The following ARL2 variants were observed in gnomAD, a reference collection of about 807,000 sequenced individuals.
The protein encoded by ARL2 is ADP-ribosylation factor-like protein 2.
A neutral mutation model predicts 22.0 loss-of-function variants in ARL2; 11 were observed. That is an observed-to-expected ratio of 0.50 (90% CI 0.31 to 0.83). The LOEUF (loss-of-function observed/expected upper bound fraction) is 0.83. Ranked by LOEUF, ARL2 falls within the 40% of genes least tolerant of loss-of-function variation. The probability of loss-of-function intolerance (pLI) is 0.04; values close to 1 mark genes in which losing one functional copy is unlikely to be tolerated. For missense variants in ARL2, 216 were observed against 243.2 expected (o/e 0.89, Z 0.74); for synonymous variants, 111 against 100.8 (o/e 1.10, Z -0.61).
chr11:65,018,859 C>A lies in ARL2; in HGVS notation c.339+126C>A. 1 of 1,539,286 alleles carries A rather than the reference C, an allele frequency of 6.5e-7. No individual in the cohort carries two copies. Among genetic ancestry groups the A allele is most frequent in the Non-Finnish European group, 8.7e-7 (1 of 1,148,402 alleles). On this transcript the variant is annotated intron_variant, in intron 3 of 4. Coordinates refer to ENST00000246747, the MANE Select transcript of ARL2 (RefSeq NM_001667.4). The surrounding 1 kb of genome is among the most constrained non-coding windows in gnomAD (Gnocchi z 4.2). The stretch of plus-strand genomic sequence containing the variant: ...GATCCCTTCCTTCTCTGGGCCCCCA[C>A]CATGGGAGGCCCATGGTGCCAGAGG...
chr11:65,018,932 T>C lies in ARL2; in HGVS notation c.339+199T>C, dbSNP rs764794358. ...GATTGAGTTAACGTCCCTGTGGTGT[T>C]ACTACGTCACTACCCTGAGCATCAG... is the stretch of plus-strand genomic sequence containing the variant. On this transcript the variant is annotated intron_variant, in intron 3 of 4. Transcript: ENST00000246747. The surrounding 1 kb of genome is among the most constrained non-coding windows in gnomAD (Gnocchi z 4.2). 8.5e-6 allele frequency: 13 copies of C among 1,526,816 alleles called. No homozygotes were observed. Among genetic ancestry groups the C allele is most frequent in the Middle Eastern group, 1.7e-4 (1 of 5,970 alleles). 94.6% of individuals were successfully genotyped at this position (1,526,816 alleles called of 1,614,324 possible).
At position 65,014,219 on chromosome 11, in the gene ARL2, G is replaced by A; in HGVS notation, c.12G>A (p.Leu4=). The change falls in exon 1 of 5, where the codon CTG becomes CTA. Residue 4 remains leucine (L), a synonymous_variant. Transcript: ENST00000246747. MGL[L]TILKKMKQKE... The stretch of plus-strand genomic sequence containing the variant: ...GGGCTCCGGGGACCATGGGGCTCCT[G>A]ACCATTCTGAAGAAGATGAAGCAGA... The A allele has an allele frequency of 6.4e-7, 1 of 1,574,364 alleles. No individual in the cohort carries two copies. The highest frequency in any genetic ancestry group is 2.6e-5 in the East Asian group (1 of 39,190).
chr11:65,019,190 T>C, intron 3 of ARL2: 1 of 306,700 alleles, frequency 3.3e-6, no homozygotes, highest in South Asian at 2.9e-5. Flanking sequence ...TGAGCTGTGA[T>C]CGTGCCACTG....
rs761749850 is a variant in ARL2, at chr11:65,018,742, C to T, written c.339+9C>T. On this transcript the variant is annotated intron_variant, in intron 3 of 4. Transcript: ENST00000246747. This position sits in a 1 kb window ranked among gnomAD's most constrained non-coding sequence, Gnocchi z 4.2. ...GCCTGCTGGTGGAGGAGGTGGGCAG[C>T]TCCTACCCTTTGTGTACATGTATGG... The T allele has an allele frequency of 2.5e-6, 4 of 1,613,868 alleles. No homozygotes were observed. The Admixed American group carries it at 6.7e-5, about 27-fold the overall frequency.
Position 65,018,893 on chromosome 11 carries a change from A to G in ARL2, c.339+160A>G. 1.3e-6 allele frequency: 2 copies of G among 1,534,972 alleles called. No individual in the cohort carries two copies. Among genetic ancestry groups the G allele is most frequent in the African/African-American group, 1.4e-5 (1 of 73,170 alleles). ...GCCCATGGTGCCAGAGGCAGGACAC[A>G]TGCTGTGGACTGAGATTGAGTTAAC... is the stretch of plus-strand genomic sequence containing the variant. On this transcript the variant is annotated intron_variant, in intron 3 of 4. Transcript: ENST00000246747. The surrounding 1 kb of genome is among the most constrained non-coding windows in gnomAD (Gnocchi z 4.2).
rs1287000222 is a variant in ARL2 at position 65,021,810 on chromosome 11, C to A, written c.510C>A (p.Asp170Glu). 1.2e-6 allele frequency: 2 copies of A among 1,613,620 alleles called. No homozygotes were observed. The change falls in exon 5 of 5, where the codon GAC (aspartate) becomes GAA (glutamate). Residue 170 changes from aspartate to glutamate, a missense_variant. By Grantham distance (45) the Asp-to-Glu change is conservative. Transcript: ENST00000246747. ...VTGENLLPGIDWLLDDISSRI... is the reference protein window; with the variant it reads ...VTGENLLPGIEWLLDDISSRI... ...GGGAGAACCTGCTGCCGGGCATCGA[C>A]TGGCTCCTGGATGACATTTCCAGCC...
Position 65,018,803 on chromosome 11 carries a change from G to C in ARL2, c.339+70G>C. On this transcript the variant is annotated intron_variant, in intron 3 of 4. Transcript: ENST00000246747. This position sits in a 1 kb window ranked among gnomAD's most constrained non-coding sequence, Gnocchi z 4.2. ...GCCTTCTCAGCAGATGCCCAGAGGG[G>C]CCCGTGGCCCCAGAGGGAAACCAGA... is the stretch of plus-strand genomic sequence containing the variant. 6.3e-7 allele frequency: 1 copy of C among 1,592,788 alleles called. No individual in the cohort carries two copies. The highest frequency in any genetic ancestry group is 8.5e-7 in the Non-Finnish European group (1 of 1,173,796).
Position 65,014,233 on chromosome 11 carries a change from A to G in ARL2, c.26A>G (p.Lys9Arg), listed in dbSNP as rs762992082. 4.1e-5 allele frequency: 65 copies of G among 1,574,698 alleles called. No individual in the cohort carries two copies. Among genetic ancestry groups the G allele is most frequent in the Middle Eastern group, 1.7e-4 (1 of 5,984 alleles). Residue 9 changes from lysine to arginine, a missense_variant, in exon 1 of 5, where the codon AAG (lysine) becomes AGG (arginine). Transcript: ENST00000246747. ...ATGGGGCTCCTGACCATTCTGAAGAAGATGAAGCAGAAAGAGCGGGAGCTG... is the reference window on the plus strand; with the variant it reads ...ATGGGGCTCCTGACCATTCTGAAGAGGATGAAGCAGAAAGAGCGGGAGCTG... The part of the protein sequence containing the change: MGLLTILK[K>R]MKQKERELRL...
At position 65,021,897 on chromosome 11, in the gene ARL2, A is replaced by G; in HGVS notation, c.*42A>G. On this transcript the variant is annotated 3_prime_UTR_variant, in exon 5 of 5. Transcript: ENST00000246747. ...CCCACCTAGCAGTCCAGGTCCCTCA[A>G]CCTTCACCAAACACTACCCATGGGG... 1.3e-6 allele frequency: 2 copies of G among 1,592,274 alleles called. No homozygotes were observed. Among genetic ancestry groups the G allele is most frequent in the Non-Finnish European group, 1.7e-6 (2 of 1,168,822 alleles).
chr11:65,019,052 G>A, intron 3 of ARL2: 4 of 895,720 alleles, frequency 4.5e-6, no homozygotes, highest in Non-Finnish European at 3.1e-6. Context: ...AGGCCATGGA[G>A]CCTGGCTCAA....
intron 4 of ARL2, among the ~76,000 whole-genome samples, chr11:65,020,784 G>A (rs911817193): frequency 2.6e-5 from 4 of 151,004 alleles, no homozygotes; most frequent in East Asian, 3.9e-4. Context: ...CAGGAGAATC[G>A]CTTGAACCCA....
chr11:65,021,943 A>C lies in ARL2; in HGVS notation c.*88A>C. The C allele has an allele frequency of 6.6e-7, 1 of 1,518,464 alleles. No homozygotes were observed. Among genetic ancestry groups the C allele is most frequent in the South Asian group, 1.2e-5 (1 of 82,016 alleles). 94.1% of individuals were successfully genotyped at this position (1,518,464 alleles called of 1,614,324 possible). On this transcript the variant is annotated 3_prime_UTR_variant, in exon 5 of 5. Coordinates refer to ENST00000246747, the MANE Select transcript of ARL2 (RefSeq NM_001667.4). ...TGGGGGGTTGGGAGTCAGCCGGCCA[A>C]ACTAACACTCCCCCTCCTCCACCCC...
At chr11:65,016,897 C>G (rs986829581) in intron 1 of ARL2, among the ~76,000 whole-genome samples, 1 of 152,064 alleles carries the variant, frequency 6.6e-6, no homozygotes, top group African/African-American at 2.4e-5. Flanking sequence ...GTCCCAGTGC[C>G]AAGGGCAGCG....
At chr11:65,016,000 GT>G (rs1359029102) in intron 1 of ARL2, among the ~76,000 whole-genome samples, 1 of 152,030 alleles carries the variant, frequency 6.6e-6, no homozygotes, top group Non-Finnish European at 1.5e-5. Flanking sequence ...GATGTCAGGA[GT>G]TTTGAGACCA....
Position 65,018,217 on chromosome 11 carries a change from C to G in ARL2, c.66-147C>G. 2 of 642,730 alleles carry G rather than the reference C, an allele frequency of 3.1e-6. No individual in the cohort carries two copies. Among genetic ancestry groups the G allele is most frequent in the Non-Finnish European group, 5.3e-6 (2 of 374,008 alleles). 39.8% of individuals were successfully genotyped at this position (642,730 alleles called of 1,614,324 possible). ...GATGATATTTATAATTTGATACTTT[C>G]ATATTTATTGTGGGCCGATTATGGT... On this transcript the variant is annotated intron_variant, in intron 1 of 4. Transcript: ENST00000246747. The surrounding 1 kb of genome is among the most constrained non-coding windows in gnomAD (Gnocchi z 4.2).
intron 1 of ARL2, among the ~76,000 whole-genome samples, chr11:65,016,906 C>G (rs932832256): frequency 1.7e-4 from 26 of 151,944 alleles, no homozygotes; most frequent in Non-Finnish European, 3.7e-4. Flanking sequence ...CCAAGGGCAG[C>G]GCATGTGCTG....
chr11:65,021,152 G>T (rs765750921), intron 4 of ARL2, among the ~76,000 whole-genome samples: 14 of 152,188 alleles, frequency 9.2e-5, no homozygotes, highest in Non-Finnish European at 1.6e-4. Context: ...TTTTACAGAT[G>T]GTGAAGCAGG....
In ARL2 at chr11:65,014,265, C is replaced by T; in HGVS notation, c.58C>T (p.Leu20Phe). ...MKQKERELRLLMLGLDNAGKT... is the reference protein window; with the variant it reads ...MKQKERELRLFMLGLDNAGKT... ...GCAGAAAGAGCGGGAGCTGCGACTG[C>T]TCATGCTGTATCCTACCGGACGCCG... Residue 20 changes from leucine to phenylalanine, a missense_variant, in exon 1 of 5, where the codon CTC (leucine) becomes TTC (phenylalanine). Coordinates refer to ENST00000246747, the MANE Select transcript of ARL2 (RefSeq NM_001667.4). 6.4e-7 allele frequency: 1 copy of T among 1,569,768 alleles called. No individual in the cohort carries two copies. The highest frequency in any genetic ancestry group is 8.6e-7 in the Non-Finnish European group (1 of 1,162,004).
At chr11:65,019,146 A>T in intron 3 of ARL2, 1 of 359,882 alleles carries the variant, frequency 2.8e-6, no homozygotes, top group Non-Finnish European at 5.3e-6. Flanking sequence ...CTCAGACAGG[A>T]GGATCAGTTG....
Sources: allele counts gnomAD v4.1 joint callset (sites outside exome capture counted in the v4.1 genomes callset), GRCh38; gene constraint gnomAD v4.1.1; non-coding constraint Gnocchi (gnomAD v3.1); transcripts MANE v1.5; gene names NCBI Gene and HGNC (gene_info 2026-07-23, HGNC 2026-07-21).